The following MATR3 variants were observed in gnomAD, a reference collection of about 807,000 sequenced individuals.
MATR3 encodes the protein matrin-3.
Under a neutral mutation model 85.5 loss-of-function variants are expected in MATR3, and 4 were observed. The ratio of observed to expected loss-of-function variants is 0.05; its 90% CI spans 0.02 to 0.11. The LOEUF (loss-of-function observed/expected upper bound fraction) is 0.11, where lower values mean the gene tolerates loss of function less well. Among genes scored for constraint, MATR3 ranks in the 10% least tolerant of loss-of-function variants. The probability of loss-of-function intolerance (pLI) is 1.00; values close to 1 mark genes in which losing one functional copy is unlikely to be tolerated. For missense variants in MATR3, 685 were observed against 1,016.1 expected, an observed-to-expected ratio of 0.67 and a Z score of 4.43; for synonymous variants, 336 against 343.1, an observed-to-expected ratio of 0.98 and a Z score of 0.23.
At chr5:139,294,980 G>C (rs1414593202) in intron 1 of MATR3, 1 of 152,176 alleles carries the variant, frequency 6.6e-6, no homozygotes, top group Non-Finnish European at 1.5e-5. Context: ...ATAATGTGAA[G>C]AATCGTTGAT....
At chr5:139,298,178 C>A (rs1402131448) in intron 1 of MATR3, among the ~76,000 whole-genome samples, 3 of 152,148 alleles carry the variant, frequency 2.0e-5, no homozygotes, top group Non-Finnish European at 4.4e-5. Context: ...TTAACCGTCC[C>A]TCTTAACACA....
intron 7 of MATR3, among the ~76,000 whole-genome samples, chr5:139,318,175 C>G (rs1165810996): frequency 6.6e-6 from 1 of 152,104 alleles, no homozygotes; most frequent in Non-Finnish European, 1.5e-5. Flanking sequence ...GCTCTGTCAC[C>G]CAGGCTGGAG....
Position 139,325,419 on chromosome 5 carries a change from G to A in MATR3, c.2149-21G>A, listed in dbSNP as rs769776417. 1.1e-5 allele frequency: 17 copies of A among 1,614,030 alleles called. No homozygotes were observed. The African/African-American group carries it at 2.0e-4, about 19-fold the overall frequency. On this transcript the variant is annotated intron_variant, in intron 12 of 14. Coordinates refer to ENST00000394805, the MANE Select transcript of MATR3 (RefSeq NM_018834.6). ...ATTTAAATCTGGTGACAAAAATGAT[G>A]ATGGTTTGGTTGAAATTAAGGTGGA... is the stretch of plus-strand genomic sequence containing the variant.
Position 139,322,873 on chromosome 5 carries a change from G to A in MATR3, c.2054G>A (p.Gly685Asp), listed in dbSNP as rs755642199. The A allele has an allele frequency of 1.2e-6, 2 of 1,614,154 alleles. No homozygotes were observed. The highest frequency in any genetic ancestry group is 1.7e-6 in the Non-Finnish European group (2 of 1,180,010). The change falls in exon 12 of 15, where the codon GGT (glycine) becomes GAT (aspartate). Residue 685 changes from glycine (G) to aspartate (D), a missense_variant. By Grantham distance (94) the Gly-to-Asp change is moderately conservative. This residue lies in a region of MATR3 where 215 missense variants were observed against 194.7 expected (regional missense o/e 1.10). Transcript: ENST00000394805. ...GACGAGACCGATCTTGCTAATTTAG[G>A]TGATGTGGCTTCTGATGGGAAAAAG... ...VGDETDLANL[G>D]DVASDGKKEP...
chr5:139,307,475 C>G lies in MATR3; in HGVS notation c.60C>G (p.Asp20Glu). The change falls in exon 2 of 15, where the codon GAC becomes GAG. Residue 20 changes from aspartate (D) to glutamate (E), a missense_variant. Transcript: ENST00000394805. The surrounding 1 kb of genome is among the most constrained non-coding windows in gnomAD (Gnocchi z 4.4). ...LSRDSQGHGR[D>E]LSAAGIGLLA... ...GGGACTCACAGGGTCATGGGCGTGA[C>G]CTGTCTGCGGCAGGAATAGGCCTTC... 1 of 1,614,020 alleles carries G rather than the reference C, an allele frequency of 6.2e-7. No individual in the cohort carries two copies. Among genetic ancestry groups the G allele is most frequent in the Admixed American group, 1.7e-5 (1 of 59,980 alleles).
At chr5:139,315,288 T>G (rs922445774) in intron 3 of MATR3, 17 of 219,050 alleles carry the variant, frequency 7.8e-5, no homozygotes, top group Non-Finnish European at 1.5e-4. Flanking sequence ...CACATATGCC[T>G]AACTCTGTTG....
In MATR3 at chr5:139,326,300, A is replaced by AAAC. The variant is rs1361258658; in HGVS notation, c.2493+18_2493+20dup. ...GAAATTAAAGGTAAGGTTGAATGTA[A>AAAC]AACAGTTCTTTTGTGAAAACTTAAC... On this transcript the variant is annotated intron_variant, in intron 14 of 14. Coordinates refer to ENST00000394805, the MANE Select transcript of MATR3 (RefSeq NM_018834.6). 5.0e-6 allele frequency: 8 copies of AAAC among 1,610,648 alleles called. No homozygotes were observed. Among genetic ancestry groups the AAAC allele is most frequent in the Non-Finnish European group, 6.8e-6 (8 of 1,177,606 alleles).
chr5:139,304,563 T>TGTGTAGTAAATGGCATTGTGTA (rs1182832666), intron 1 of MATR3, among the ~76,000 whole-genome samples: 1 of 152,020 alleles, frequency 6.6e-6, no homozygotes, highest in Non-Finnish European at 1.5e-5. Flanking sequence ...GTAGTGAAAT[T>TGTGTAGTAAATGGCATTGTGTA]GTGGGTAATG....
chr5:139,326,183 A>G lies in MATR3; in HGVS notation c.2392A>G (p.Lys798Glu), dbSNP rs781679269. 6.2e-7 allele frequency: 1 copy of G among 1,608,408 alleles called. No individual in the cohort carries two copies. The stretch of plus-strand genomic sequence containing the variant: ...TCTAGGTATAGACTATGTGATACCT[A>G]AAACAGGGTTTTACTGTAAGCTGTG... ...VPVGIDYVIP[K>E]TGFYCKLCSL... Residue 798 changes from lysine to glutamate, a missense_variant, in exon 14 of 15, where the codon AAA becomes GAA. Coordinates refer to ENST00000394805, the MANE Select transcript of MATR3 (RefSeq NM_018834.6).
chr5:139,293,989 A>G (rs1468022662), intron 1 of MATR3, 184 bp downstream of exon 1: 12 of 1,276,412 alleles, frequency 9.4e-6, no homozygotes, highest in Non-Finnish European at 1.2e-5. Flanking sequence ...CCATGTTAGG[A>G]GCGCAGTGGC....
intron 2 of MATR3, chr5:139,311,549 A>G (rs968166092): frequency 6.6e-6 from 1 of 152,066 alleles, no homozygotes; most frequent in Non-Finnish European, 1.5e-5. Flanking sequence ...TTTTCCCCTA[A>G]GTTTGAACCT....
intron 3 of MATR3, chr5:139,279,553 G>A (rs1753436825): frequency 5.7e-6 from 1 of 176,144 alleles, no homozygotes; most frequent in African/African-American, 2.4e-5. Flanking sequence ...TCCCAGGCTG[G>A]AGTGCAATGG....
intron 12 of MATR3, among the ~76,000 whole-genome samples, chr5:139,324,290 GTTTTTTTTTTTT>G (rs767660135): frequency 4.6e-5 from 5 of 107,720 alleles, no homozygotes; most frequent in Non-Finnish European, 9.0e-5. Flanking sequence ...GAGCATGATT[GTTTTTTTTTTTT>G]TTTTTTTTGG....
intron 1 of MATR3, chr5:139,274,267 C>T (rs1388903636): frequency 1.7e-5 from 6 of 355,754 alleles, no homozygotes; most frequent in Non-Finnish European, 2.2e-5. Flanking sequence ...TGGGGTTCGT[C>T]CCCTCGTGAT....
chr5:139,312,070 A>G (rs938123407), intron 2 of MATR3: 1 of 151,848 alleles, frequency 6.6e-6, no homozygotes, highest in Non-Finnish European at 1.5e-5. Context: ...CGCCCAGCCA[A>G]GGCTTCTAAA....
intron 3 of MATR3, among the ~76,000 whole-genome samples, chr5:139,286,382 G>A (rs1753703956): frequency 6.6e-6 from 1 of 151,868 alleles, no homozygotes; most frequent in Non-Finnish European, 1.5e-5. Context: ...GTCTCACTGT[G>A]TTGATCAGGC....
intron 5 of MATR3, among the ~76,000 whole-genome samples, chr5:139,316,801 C>T (rs898199862): frequency 1.3e-5 from 2 of 152,128 alleles, no homozygotes; most frequent in Non-Finnish European, 1.5e-5. Flanking sequence ...TCTGCTCAGC[C>T]TCCCAAAGTG....
intron 3 of MATR3, among the ~76,000 whole-genome samples, chr5:139,284,386 C>G (rs1012028697): frequency 1.2e-4 from 19 of 152,144 alleles, no homozygotes; most frequent in Non-Finnish European, 2.6e-4. Context: ...GGGTGGATCA[C>G]TTGAGGCCAG....
chr5:139,331,545 C>A lies in MATR3; in HGVS notation c.*2150C>A. 2.2e-6 allele frequency: 1 copy of A among 454,088 alleles called. No individual in the cohort carries two copies. Among genetic ancestry groups the A allele is most frequent in the South Asian group, 1.6e-5 (1 of 64,482 alleles). The allele number at this position is 454,088 out of a possible 1,614,324, so 28.1% of individuals were successfully genotyped here. A position where few individuals can be genotyped will look rare whatever the true frequency, so the allele number is the denominator to read the frequency against. On this transcript the variant is annotated 3_prime_UTR_variant, in exon 15 of 15. Coordinates refer to ENST00000394805, the MANE Select transcript of MATR3 (RefSeq NM_018834.6). ...AACAGCCCTTCGATTACGAGAAAAC[C>A]TCTTTTTAGTAGGAATGTTTCCACT... is the stretch of plus-strand genomic sequence containing the variant.
Sources: allele counts gnomAD v4.1 joint callset (sites outside exome capture counted in the v4.1 genomes callset), GRCh38; gene constraint gnomAD v4.1.1; regional missense constraint gnomAD v4.1.1; non-coding constraint Gnocchi (gnomAD v3.1); transcripts MANE v1.5; gene names NCBI Gene and HGNC (gene_info 2026-07-23, HGNC 2026-07-21).